TDRD9: variants seen among roughly 807,000 people sequenced by gnomAD.
TDRD9 encodes tudor domain containing 9, also known as ATP-dependent RNA helicase TDRD9.
Under a neutral mutation model 172.6 loss-of-function variants are expected in TDRD9, and 124 were observed. The ratio of observed to expected loss-of-function variants is 0.72; its 90% CI spans 0.62 to 0.83. The LOEUF (loss-of-function observed/expected upper bound fraction) is 0.83, where lower values mean the gene tolerates loss of function less well. Ranked by LOEUF, TDRD9 falls within the 40% of genes least tolerant of loss-of-function variation. The probability of loss-of-function intolerance (pLI) is 0.00; values close to 1 mark genes in which losing one functional copy is unlikely to be tolerated. For synonymous variants in TDRD9, 619 were observed against 617.1 expected, an observed-to-expected ratio of 1.00 and a Z score of -0.05; for missense variants, 1,479 against 1,714.1, an observed-to-expected ratio of 0.86 and a Z score of 2.42.
chr14:104,004,993 T>C (rs1736349603), intron 14 of TDRD9, among the ~76,000 whole-genome samples: 1 of 152,000 alleles, frequency 6.6e-6, no homozygotes, highest in Non-Finnish European at 1.5e-5. Context: ...TTTTCTTCTT[T>C]CCCTCTCCCT....
At chr14:103,948,044 C>T (rs1293605190) in intron 1 of TDRD9, among the ~76,000 whole-genome samples, 1 of 152,138 alleles carries the variant, frequency 6.6e-6, no homozygotes, top group Non-Finnish European at 1.5e-5. Flanking sequence ...GGGAGGGTCT[C>T]ACTCTGTTGC....
Position 103,997,030 on chromosome 14 carries a change from C to T in TDRD9, c.1378+1223C>T, listed in dbSNP as rs909171861. Among the ~76,000 whole-genome samples, 12 of 152,088 alleles carry T rather than the reference C, an allele frequency of 7.9e-5. No individual in the cohort carries two copies. The highest frequency in any genetic ancestry group is 2.1e-4 in the South Asian group (1 of 4,818). On this transcript the variant is annotated intron_variant, in intron 12 of 35. Coordinates refer to ENST00000409874, the MANE Select transcript of TDRD9 (RefSeq NM_153046.3). This position sits in a 1 kb window ranked among gnomAD's most constrained non-coding sequence, Gnocchi z 5.1. The stretch of plus-strand genomic sequence containing the variant: ...TGGACCAGTGTGAACGAAGGGGAAA[C>T]GAGCCAGAAGAGAGGCCTGGGGGTA...
chr14:104,019,483 T>TTA (rs2034889902), intron 23 of TDRD9, among the ~76,000 whole-genome samples: 1 of 152,118 alleles, frequency 6.6e-6, no homozygotes, highest in South Asian at 2.1e-4. Context: ...TTATAGGTGT[T>TTA]TATATCTTTT....
intron 32 of TDRD9, among the ~76,000 whole-genome samples, chr14:104,036,573 G>C (rs987566793): frequency 2.4e-4 from 36 of 152,294 alleles, no homozygotes; most frequent in Admixed American, 2.2e-3. Context: ...ACTAGACAAA[G>C]CTCCTGCTTC....
intron 31 of TDRD9, 86 bp from the exon 32 acceptor site, chr14:104,034,874 C>T: frequency 1.0e-6 from 1 of 985,212 alleles, no homozygotes; most frequent in South Asian, 1.5e-5. Context: ...GGGATACCTG[C>T]AGATGAGTAG....
chr14:103,974,957 G>A (rs1566752156), intron 6 of TDRD9, among the ~76,000 whole-genome samples: 1 of 151,834 alleles, frequency 6.6e-6, no homozygotes. Flanking sequence ...TTTTTGTAGA[G>A]ACAGTGGTCT....
chr14:104,022,591 G>T (rs529509286), intron 24 of TDRD9, among the ~76,000 whole-genome samples: 10 of 152,266 alleles, frequency 6.6e-5, no homozygotes, highest in African/African-American at 2.2e-4. Flanking sequence ...GCCGGGCATG[G>T]TCGCACACAC....
rs574815948 is a variant in TDRD9 at position 103,966,601 on chromosome 14, C to T, written c.643-108C>T. The T allele has an allele frequency of 5.8e-4, 656 of 1,122,094 alleles. 2 individuals carry two copies. The highest frequency in any genetic ancestry group is 7.0e-4 in the Non-Finnish European group (581 of 830,424). The allele number at this position is 1,122,094 out of a possible 1,614,324, so 69.5% of individuals were successfully genotyped here. A position where few individuals can be genotyped will look rare whatever the true frequency, so the allele number is the denominator to read the frequency against. On this transcript the variant is annotated intron_variant, in intron 4 of 35. Transcript: ENST00000409874. ...TTTAATTTGGAGCCTGTGTATCTTT[C>T]GAAATACCTTAATTTTTCATTCCCT...
intron 13 of TDRD9, among the ~76,000 whole-genome samples, chr14:104,001,278 A>G (rs1169661744): frequency 6.6e-6 from 1 of 152,238 alleles, no homozygotes; most frequent in Non-Finnish European, 1.5e-5. Flanking sequence ...TCATCTCTGC[A>G]GCTTCGTAAT....
chr14:104,004,863 A>G (rs1217603146), intron 14 of TDRD9, among the ~76,000 whole-genome samples: 1 of 152,114 alleles, frequency 6.6e-6, no homozygotes, highest in Non-Finnish European at 1.5e-5. Context: ...TGGGCTCTAT[A>G]ATAGGATTGT....
chr14:104,018,342 T>C, intron 23 of TDRD9, 150 bp downstream of exon 23: 1 of 579,280 alleles, frequency 1.7e-6, no homozygotes. Context: ...CTTTGGTTTA[T>C]CTTATGGTCA....
At chr14:103,952,132 GTATA>G (rs10567333) in intron 1 of TDRD9, among the ~76,000 whole-genome samples, 2 of 127,732 alleles carry the variant, frequency 1.6e-5, no homozygotes, top group African/African-American at 3.0e-5. Flanking sequence ...ATATATACAC[GTATA>G]TATATATATG....
At chr14:104,008,068 C>A in intron 19 of TDRD9, among the ~76,000 whole-genome samples, 1 of 152,132 alleles carries the variant, frequency 6.6e-6, no homozygotes, top group East Asian at 1.9e-4. Flanking sequence ...CGTGAACCAC[C>A]GCGCCTGGCT....
intron 21 of TDRD9, 32 bp from the exon 22 acceptor site, chr14:104,015,949 T>A (rs928433797): frequency 2.1e-6 from 3 of 1,439,260 alleles, no homozygotes; most frequent in African/African-American, 1.4e-5. Context: ...AAAATAATGC[T>A]GTTACTTCAT....
chr14:104,001,410 C>T (rs926041512), intron 13 of TDRD9, among the ~76,000 whole-genome samples: 1 of 152,348 alleles, frequency 6.6e-6, no homozygotes, highest in East Asian at 1.9e-4. Context: ...AGCAGTGGCT[C>T]ATTCCTTTTT....
At chr14:103,931,893 G>C (rs1181599677) in intron 1 of TDRD9, among the ~76,000 whole-genome samples, 6 of 152,210 alleles carry the variant, frequency 3.9e-5, no homozygotes, top group Admixed American at 6.5e-5. Context: ...GGGCCACATG[G>C]AAAGCATGAG....
intron 13 of TDRD9, among the ~76,000 whole-genome samples, chr14:104,002,813 T>C (rs1298882102): frequency 6.6e-6 from 1 of 151,544 alleles, no homozygotes; most frequent in African/African-American, 2.4e-5. Context: ...CTCACTGCAG[T>C]CTCCACCTCC....
intron 28 of TDRD9, among the ~76,000 whole-genome samples, chr14:104,028,480 G>T (rs1470468100): frequency 1.3e-5 from 2 of 152,044 alleles, no homozygotes; most frequent in Non-Finnish European, 1.5e-5. Context: ...TTGGTTATTT[G>T]TATGTCTTCT....
chr14:103,983,260 A>G (rs1008125898), intron 7 of TDRD9, among the ~76,000 whole-genome samples: 50 of 151,752 alleles, frequency 3.3e-4, no homozygotes, highest in Admixed American at 2.0e-4. Flanking sequence ...ATGGGGTTTC[A>G]CCATGTTGGC....
Sources: gnomAD v4.1 joint callset for allele counts (sites outside exome capture counted in the v4.1 genomes callset) on GRCh38, gnomAD v4.1.1 for gene constraint, Gnocchi (gnomAD v3.1) non-coding constraint, MANE v1.5 for transcripts, NCBI Gene and HGNC (gene_info 2026-07-23, HGNC 2026-07-21) for gene names.